Variants in EPGN observed in about 807,000 individuals in gnomAD.
EPGN encodes epigen.
EPGN carries 21 observed loss-of-function variants against 20.7 expected under a neutral mutation model. That is an observed-to-expected ratio of 1.01 (90% confidence interval 0.72 to 1.46). EPGN has a LOEUF of 1.46. EPGN is among the 40% of genes most tolerant of loss of function. The probability of loss-of-function intolerance (pLI) is 0.00; values close to 1 mark genes in which losing one functional copy is unlikely to be tolerated. For synonymous variants in EPGN, 69 were observed against 63.8 expected, an observed-to-expected ratio of 1.08 and a Z score of -0.39; for missense variants, 199 against 180.7, an observed-to-expected ratio of 1.10 and a Z score of -0.58.
In EPGN at chr4:74,308,520, A is replaced by C. The variant is rs768816494; in HGVS notation, c.-14A>C. 3.1e-6 allele frequency: 5 copies of C among 1,606,698 alleles called. No homozygotes were observed. The highest frequency in any genetic ancestry group is 8.5e-7 in the Non-Finnish European group (1 of 1,175,744). ...TAGAAGGATAAGAGAAAGAAAGTTA[A>C]GCAACTACAGGAAATGGCTTTGGGA... On this transcript the variant is annotated 5_prime_UTR_variant, in exon 1 of 5. Transcript: ENST00000413830.
Position 74,312,180 on chromosome 4 carries a change from C to A in EPGN, c.134-5C>A, listed in dbSNP as rs937721881. On this transcript the variant is annotated splice_region_variant and splice_polypyrimidine_tract_variant and intron_variant, in intron 2 of 4. Coordinates refer to ENST00000413830, the MANE Select transcript of EPGN (RefSeq NM_001270989.2). ...ATTTGCTAACATTGTATCTCCTTTT[C>A]CTAGCTGACAACATAGAAGGACCCA... is the stretch of plus-strand genomic sequence containing the variant. 6.3e-6 allele frequency: 10 copies of A among 1,593,126 alleles called. No individual in the cohort carries two copies. The Admixed American group carries it at 1.6e-4, about 26-fold the overall frequency.
chr4:74,310,976 G>C (rs940074484), intron 2 of EPGN, among the ~76,000 whole-genome samples: 1 of 152,136 alleles, frequency 6.6e-6, no homozygotes, highest in Non-Finnish European at 1.5e-5. Context: ...TATGAATACA[G>C]AGGTACAACT....
chr4:74,310,645 A>C (rs902331941), intron 2 of EPGN, among the ~76,000 whole-genome samples: 1 of 152,098 alleles, frequency 6.6e-6, no homozygotes, highest in African/African-American at 2.4e-5. Context: ...AAAGGAATCC[A>C]ATACAGTCAT....
intron 4 of EPGN, among the ~76,000 whole-genome samples, chr4:74,313,854 G>T (rs1162553630): frequency 6.6e-6 from 1 of 152,070 alleles, no homozygotes; most frequent in Non-Finnish European, 1.5e-5. Context: ...CTAATAAGTT[G>T]TCATTTCTAA....
Position 74,309,950 on chromosome 4 carries a change from A to G in EPGN, c.133+768A>G, listed in dbSNP as rs566949439. 3.2e-4 allele frequency among the ~76,000 whole-genome samples: 48 copies of G among 152,298 alleles called. 1 individual carries two copies. The highest frequency in any genetic ancestry group is 2.7e-3 in the Admixed American group (41 of 15,298). On this transcript the variant is annotated intron_variant, in intron 2 of 4. Transcript: ENST00000413830. Reference sequence around the variant, plus strand: ...ATGTCTTGCACTCAGAGTCAGGCAAATAAAGGAAGATTGTCATATCTCAGT... The same window carrying G: ...ATGTCTTGCACTCAGAGTCAGGCAAGTAAAGGAAGATTGTCATATCTCAGT...
chr4:74,310,461 C>CAAAAAA (rs10586282), intron 2 of EPGN, among the ~76,000 whole-genome samples: 10 of 43,182 alleles, frequency 2.3e-4, no homozygotes, highest in Middle Eastern at 0.011. Context: ...GAGTCCGTCT[C>CAAAAAA]AAAAAAAAAA....
chr4:74,310,984 A>G (rs1355899415), intron 2 of EPGN, among the ~76,000 whole-genome samples: 1 of 152,184 alleles, frequency 6.6e-6, no homozygotes, highest in East Asian at 1.9e-4. Context: ...CAGAGGTACA[A>G]CTGTATATCA....
intron 4 of EPGN, chr4:74,313,390 C>G: frequency 7.3e-7 from 1 of 1,378,810 alleles, no homozygotes; most frequent in Non-Finnish European, 9.3e-7. Flanking sequence ...AGAGTTCAAA[C>G]GTACAGTCTC....
intron 4 of EPGN, 86 bp downstream of exon 4, chr4:74,313,256 A>T: frequency 1.4e-6 from 2 of 1,447,348 alleles, no homozygotes; most frequent in South Asian, 3.1e-5. Context: ...TCAGGCACTG[A>T]CATGTAAAAT....
At chr4:74,311,715 G>A (rs1012389064) in intron 2 of EPGN, among the ~76,000 whole-genome samples, 1 of 152,096 alleles carries the variant, frequency 6.6e-6, no homozygotes, top group Non-Finnish European at 1.5e-5. Flanking sequence ...GAGAGAATCA[G>A]GAATAAGAAT....
Position 74,309,106 on chromosome 4 carries a change from G to T in EPGN, c.57G>T (p.Leu19=). The part of the protein sequence containing the change: ...VYLLFNAMTA[L]TEEAAVTVTP... ...CCCTTAATACAGCAATGACAGCACT[G>T]ACCGAAGAGGCAGCCGTGACTGTAA... The change falls in exon 2 of 5, where the codon CTG becomes CTT. Residue 19 remains leucine (L), a synonymous_variant. Coordinates refer to ENST00000413830, the MANE Select transcript of EPGN (RefSeq NM_001270989.2). The T allele has an allele frequency of 6.2e-7, 1 of 1,613,168 alleles. No homozygotes were observed. Among genetic ancestry groups the T allele is most frequent in the South Asian group, 1.1e-5 (1 of 90,966 alleles).
Position 74,309,115 on chromosome 4 carries a change from G to C in EPGN, c.66G>C (p.Glu22Asp). ...CAGCAATGACAGCACTGACCGAAGA[G>C]GCAGCCGTGACTGTAACACCTCCAA... ...LFNAMTALTE[E>D]AAVTVTPPIT... Residue 22 changes from glutamate (E) to aspartate (D), a missense_variant, in exon 2 of 5, where the codon GAG becomes GAC. Glu to Asp is a conservative substitution (Grantham distance 45). Coordinates refer to ENST00000413830, the MANE Select transcript of EPGN (RefSeq NM_001270989.2). 1 of 1,613,490 alleles carries C rather than the reference G, an allele frequency of 6.2e-7. No homozygotes were observed. Among genetic ancestry groups the C allele is most frequent in the South Asian group, 1.1e-5 (1 of 91,012 alleles).
intron 4 of EPGN, 39 bp downstream of exon 4, chr4:74,313,209 A>G (rs773306349): frequency 4.4e-6 from 7 of 1,583,946 alleles, no homozygotes; most frequent in African/African-American, 2.7e-5. Context: ...TTCATATGCA[A>G]TCGTTTGACA....
chr4:74,314,471 G>C, intron 4 of EPGN, 109 bp from the exon 5 acceptor site: 2 of 1,061,668 alleles, frequency 1.9e-6, no homozygotes, highest in Non-Finnish European at 2.8e-6. Context: ...GGGTAAAGGG[G>C]ATCTGGGTGG....
rs1455653484 is a variant in EPGN, at chr4:74,316,577, G to C, written c.*1940G>C. ...AAACGGATTGCAGTCAGCACTTTCT[G>C]AATGTTTTCACACAGTATGCAAAGC... On this transcript the variant is annotated 3_prime_UTR_variant, in exon 5 of 5. Transcript: ENST00000413830. Among the ~76,000 whole-genome samples the C allele has an allele frequency of 6.6e-6, 1 of 152,180 alleles. No homozygotes were observed. The highest frequency in any genetic ancestry group is 1.5e-5 in the Non-Finnish European group (1 of 68,038).
chr4:74,313,198 C>T (rs1751078049), intron 4 of EPGN, 28 bp downstream of exon 4: 5 of 1,596,610 alleles, frequency 3.1e-6, no homozygotes, highest in African/African-American at 1.4e-5. Context: ...TATGAAGTCA[C>T]TTCATATGCA....
At chr4:74,311,820 C>G (rs1350396946) in intron 2 of EPGN, among the ~76,000 whole-genome samples, 1 of 152,176 alleles carries the variant, frequency 6.6e-6, no homozygotes, top group African/African-American at 2.4e-5. Flanking sequence ...GTGAGATCTT[C>G]TATGTTAATT....
Position 74,314,691 on chromosome 4 carries a change from A to T in EPGN, c.*54A>T, listed in dbSNP as rs1008869245. ...ATCTGTAGAGATCAGTGAGCCCAAA[A>T]TTAAAGTTTTCAGATGAAACAACAA... On this transcript the variant is annotated 3_prime_UTR_variant, in exon 5 of 5. Coordinates refer to ENST00000413830, the MANE Select transcript of EPGN (RefSeq NM_001270989.2). 2.0e-5 allele frequency: 29 copies of T among 1,484,260 alleles called. No individual in the cohort carries two copies. Among genetic ancestry groups the T allele is most frequent in the Non-Finnish European group, 2.5e-5 (28 of 1,107,776 alleles). The allele number at this position is 1,484,260 out of a possible 1,614,324, so 91.9% of individuals were successfully genotyped here.
rs1456391683 is a variant in EPGN at position 74,314,607 on chromosome 4, T to C, written c.435T>C (p.Asn145=). The C allele has an allele frequency of 6.5e-7, 1 of 1,536,078 alleles. No homozygotes were observed. Residue 145 remains asparagine, a synonymous_variant, in exon 5 of 5, where the codon AAT becomes AAC. Transcript: ENST00000413830. ...KRCLKLKSPY[N]VCSGERRPL ...GTCTAAAATTGAAATCGCCTTACAA[T>C]GTCTGTTCTGGAGAAAGACGACCAC...
Sources: gnomAD v4.1 joint callset for allele counts (sites outside exome capture counted in the v4.1 genomes callset) on GRCh38, gnomAD v4.1.1 for gene constraint, MANE v1.5 for transcripts, NCBI Gene and HGNC (gene_info 2026-07-23, HGNC 2026-07-21) for gene names.